The following ZIM2 variants were observed in gnomAD, a reference collection of about 807,000 sequenced individuals.
ZIM2 encodes the protein zinc finger protein 656.
ZIM2 carries 14 observed loss-of-function variants against 38.6 expected under a neutral mutation model. The observed-to-expected ratio is 0.36, with a 90% CI of 0.24 to 0.57. The LOEUF (loss-of-function observed/expected upper bound fraction) is 0.57. ZIM2 is among the 20% of genes least tolerant of loss of function. ZIM2 has a pLI of 0.81. For synonymous variants in ZIM2, 247 were observed against 245.8 expected (o/e 1.00, Z -0.04); for missense variants, 680 against 695.1 (o/e 0.98, Z 0.24).
chr19:56,777,904 C>G (rs556647496), intron 12 of ZIM2, among the ~76,000 whole-genome samples: 24 of 152,194 alleles, frequency 1.6e-4, no homozygotes, highest in African/African-American at 5.3e-4. Flanking sequence ...TTCCACTTAA[C>G]TCAGACCATA....
chr19:56,822,532 G>T, intron 6 of ZIM2: 1 of 498,038 alleles, frequency 2.0e-6, no homozygotes, highest in Non-Finnish European at 3.5e-6. Context: ...TAAGAATACT[G>T]AGCAAATAGT....
At chr19:56,815,084 T>A in intron 9 of ZIM2, 1 of 1,611,962 alleles carries the variant, frequency 6.2e-7, no homozygotes, top group Non-Finnish European at 8.5e-7. Flanking sequence ...GTGAGGTCTG[T>A]GAGATCCACA....
At chr19:56,793,636 T>C (rs975339781) in intron 9 of ZIM2, among the ~76,000 whole-genome samples, 3 of 152,182 alleles carry the variant, frequency 2.0e-5, no homozygotes, top group African/African-American at 7.2e-5. Flanking sequence ...TTATCAGAGA[T>C]ATAGGAATTA....
At chr19:56,794,552 A>G (rs1199199685) in intron 9 of ZIM2, among the ~76,000 whole-genome samples, 11 of 152,232 alleles carry the variant, frequency 7.2e-5, no homozygotes, top group Admixed American at 6.5e-4. Flanking sequence ...TTACATAGAC[A>G]AAAGGGATAA....
chr19:56,839,518 AG>A (rs1312654449), intron 1 of ZIM2, among the ~76,000 whole-genome samples: 1 of 149,960 alleles, frequency 6.7e-6, no homozygotes, highest in African/African-American at 2.5e-5. Context: ...GCACCTGCGC[AG>A]CAAACCTCAG....
intron 9 of ZIM2, chr19:56,812,725 G>A: frequency 1.0e-6 from 1 of 984,612 alleles, no homozygotes; most frequent in Middle Eastern, 5.2e-4. Flanking sequence ...AGTGATGGTT[G>A]TAACCCATTC....
At chr19:56,818,446 T>C (rs2060185425) in intron 8 of ZIM2, among the ~76,000 whole-genome samples, 154 bp downstream of exon 8, 1 of 152,212 alleles carries the variant, frequency 6.6e-6, no homozygotes, top group African/African-American at 2.4e-5. Context: ...AATTTTATCA[T>C]TTACTCCCTC....
Position 56,814,149 on chromosome 19 carries a change from C to A in ZIM2, c.490+3597G>T. On this transcript the variant is annotated intron_variant, in intron 9 of 12. Coordinates refer to ENST00000629319, the MANE Select transcript of ZIM2 (RefSeq NM_001387356.1). This position sits in a 1 kb window ranked among gnomAD's most constrained non-coding sequence, Gnocchi z 5.8. Reference sequence around the variant, plus strand: ...TTGGCTGTCCAGCCTCTCCAATGGGCTCTGCAGCCTCTCCATCTGGCCCTT... The same window carrying A: ...TTGGCTGTCCAGCCTCTCCAATGGGATCTGCAGCCTCTCCATCTGGCCCTT... 1 of 1,614,194 alleles carries A rather than the reference C, an allele frequency of 6.2e-7. No individual in the cohort carries two copies. Among genetic ancestry groups the A allele is most frequent in the Non-Finnish European group, 8.5e-7 (1 of 1,180,042 alleles).
At chr19:56,822,334 T>G (rs2060576473) in intron 6 of ZIM2, among the ~76,000 whole-genome samples, 1 of 152,226 alleles carries the variant, frequency 6.6e-6, no homozygotes, top group Non-Finnish European at 1.5e-5. Flanking sequence ...TCAGGCCTGG[T>G]GCTCAGATGT....
chr19:56,810,217 G>C (rs1385272087), intron 9 of ZIM2: 1 of 982,320 alleles, frequency 1.0e-6, no homozygotes, highest in Non-Finnish European at 1.2e-6. Flanking sequence ...TCTTTGGATG[G>C]TGAAAACATG....
chr19:56,816,746 T>C (rs2060017675), intron 9 of ZIM2: 1 of 1,614,036 alleles, frequency 6.2e-7, no homozygotes, highest in Admixed American at 1.7e-5. Flanking sequence ...TTACACACCC[T>C]GCACTCGTAG....
intron 11 of ZIM2, among the ~76,000 whole-genome samples, chr19:56,779,872 C>G (rs2046234618): frequency 6.6e-6 from 1 of 152,202 alleles, no homozygotes; most frequent in Non-Finnish European, 1.5e-5. Context: ...CATAGCTGCT[C>G]AAAAAGTCAA....
intron 9 of ZIM2, among the ~76,000 whole-genome samples, chr19:56,807,866 C>T (rs1021913032): frequency 3.9e-5 from 6 of 151,972 alleles, no homozygotes; most frequent in Non-Finnish European, 8.8e-5. Flanking sequence ...TAAATTCATT[C>T]AGGTTAATTT....
rs767980584 is a variant in ZIM2, at chr19:56,836,057, CCT to C, written c.-268_-267del. ...CTAGCGTTTGGACCTAGTCCCTCTT[CCT>C]CTCGCCAGTCGTCTCCAAGAAGGAC... On this transcript the variant is annotated 5_prime_UTR_variant, in exon 2 of 13. Transcript: ENST00000629319. The C allele has an allele frequency of 2.0e-6, 1 of 508,772 alleles. No individual in the cohort carries two copies. Among genetic ancestry groups the C allele is most frequent in the Admixed American group, 2.0e-5 (1 of 50,262 alleles). The allele number at this position is 508,772 out of a possible 1,614,324, so 31.5% of individuals were successfully genotyped here.
intron 7 of ZIM2, among the ~76,000 whole-genome samples, chr19:56,821,266 T>C (rs149332878): frequency 4.7e-4 from 71 of 152,318 alleles, no homozygotes; most frequent in African/African-American, 1.6e-3. Context: ...CCAGCTCCTG[T>C]CAGCTCCAGA....
rs148139560 is a variant in ZIM2, at chr19:56,775,200, A to G, written c.1165T>C (p.Cys389Arg). 0.015 allele frequency: 23,672 copies of G among 1,614,158 alleles called. 192 individuals carry two copies. Among genetic ancestry groups the G allele is most frequent in the Non-Finnish European group, 0.017 (20,509 of 1,180,036 alleles). ...RIHTGKKPYE[C>R]KQCAEAFYLM... ...TAGAAGGCTTCAGCACACTGTTTAC[A>G]TTCATAGGGTTTCTTCCCAGTATGG... The change falls in exon 13 of 13, where the codon TGT becomes CGT. Residue 389 changes from cysteine to arginine, a missense_variant. Coordinates refer to ENST00000629319, the MANE Select transcript of ZIM2 (RefSeq NM_001387356.1).
At position 56,814,590 on chromosome 19, in the gene ZIM2, A is replaced by G; in HGVS notation, c.490+3156T>C. 2 of 1,614,100 alleles carry G rather than the reference A, an allele frequency of 1.2e-6. No individual in the cohort carries two copies. The highest frequency in any genetic ancestry group is 8.5e-7 in the Non-Finnish European group (1 of 1,179,988). On this transcript the variant is annotated intron_variant, in intron 9 of 12. Transcript: ENST00000629319. The surrounding 1 kb of genome is among the most constrained non-coding windows in gnomAD (Gnocchi z 5.8). The stretch of plus-strand genomic sequence containing the variant: ...TGACGAAAGATTCTCCACAGACTGC[A>G]CATTCAAAGAGTCTCTCTTCGGTCT...
intron 4 of ZIM2, 49 bp from the exon 5 acceptor site, chr19:56,823,728 C>T (rs751556185): frequency 6.2e-7 from 1 of 1,602,294 alleles, no homozygotes; most frequent in Non-Finnish European, 8.6e-7. Context: ...CACATTCTCA[C>T]AATAGTTCCC....
intron 10 of ZIM2, chr19:56,782,362 A>C: frequency 2.0e-6 from 1 of 501,610 alleles, no homozygotes; most frequent in African/African-American, 2.0e-5. Context: ...TAAAGACAGA[A>C]TGCAAGCATG....
Sources: allele counts gnomAD v4.1 joint callset (sites outside exome capture counted in the v4.1 genomes callset), GRCh38; gene constraint gnomAD v4.1.1; non-coding constraint Gnocchi (gnomAD v3.1); transcripts MANE v1.5; gene names NCBI Gene and HGNC (gene_info 2026-07-23, HGNC 2026-07-21).